The following KHDRBS2 variants were observed in gnomAD, a reference collection of about 807,000 sequenced individuals.
KHDRBS2 encodes KH RNA binding domain containing, signal transduction associated 2, also known as KH domain-containing, RNA-binding, signal transduction-associated protein 2.
In KHDRBS2, 26 loss-of-function variants were observed where a neutral mutation model predicts 44.3. The observed-to-expected ratio is 0.59, with a 90% confidence interval of 0.43 to 0.81. The LOEUF is 0.81. Among genes scored for constraint, KHDRBS2 ranks in the 40% least tolerant of loss-of-function variants. The pLI is 0.00. For missense variants in KHDRBS2, 476 were observed against 433.1 expected, an observed-to-expected ratio of 1.10 and a Z score of -0.88; for synonymous variants, 194 against 151.1, an observed-to-expected ratio of 1.28 and a Z score of -2.08.
chr6:61,605,114 G>T, the KHDRBS2 span, among the ~76,000 whole-genome samples: 1 of 152,088 alleles, frequency 6.6e-6, no homozygotes, highest in Non-Finnish European at 1.5e-5. Flanking sequence ...GCCCTTCTGC[G>T]AATTCGGGCC....
chr6:62,248,320 A>G (rs892166163), intron 1 of KHDRBS2, among the ~76,000 whole-genome samples: 1 of 150,898 alleles, frequency 6.6e-6, no homozygotes, highest in Non-Finnish European at 1.5e-5. Flanking sequence ...CCAGCAAAAC[A>G]TCTAATCCAG....
chr6:61,729,321 C>T (rs1195814404), intron 7 of KHDRBS2, among the ~76,000 whole-genome samples: 1 of 152,018 alleles, frequency 6.6e-6, no homozygotes, highest in Non-Finnish European at 1.5e-5. Context: ...ACACTGGGGC[C>T]TTTTGGCCTT....
intron 1 of KHDRBS2, among the ~76,000 whole-genome samples, chr6:62,223,184 TAG>T (rs973353860): frequency 2.6e-5 from 4 of 152,204 alleles, no homozygotes; most frequent in African/African-American, 7.2e-5. Flanking sequence ...GAAATTTAGG[TAG>T]AGTTTCCCAA....
chr6:61,615,233 C>CAAAAAAA, the KHDRBS2 span, among the ~76,000 whole-genome samples: 8,004 of 57,838 alleles, frequency 0.14, 881 homozygotes, highest in African/African-American at 0.19. Flanking sequence ...ACTCCATCTC[C>CAAAAAAA]AAAAAAAAAA....
chr6:62,216,816 T>C (rs1457997325), intron 1 of KHDRBS2, among the ~76,000 whole-genome samples: 2 of 150,966 alleles, frequency 1.3e-5, no homozygotes, highest in East Asian at 1.9e-4. Context: ...TTCGGTGAGA[T>C]ACAGGAAAAC....
At chr6:61,664,063 T>C in the KHDRBS2 span, among the ~76,000 whole-genome samples, 29,720 of 151,714 alleles carry the variant, frequency 0.2, 3,082 homozygotes, top group African/African-American at 0.24. Flanking sequence ...AGGTGAAACT[T>C]GGTTTATTAT....
chr6:61,825,311 T>C (rs1790658472), intron 6 of KHDRBS2, among the ~76,000 whole-genome samples: 1 of 152,166 alleles, frequency 6.6e-6, no homozygotes, highest in South Asian at 2.1e-4. Context: ...AGTGTTTCCA[T>C]AGGCAAAACA....
At chr6:61,579,114 A>G in the KHDRBS2 span, among the ~76,000 whole-genome samples, 3 of 152,164 alleles carry the variant, frequency 2.0e-5, no homozygotes, top group African/African-American at 7.2e-5. Context: ...GATTACCAGT[A>G]GTATAGAGAA....
the KHDRBS2 span, among the ~76,000 whole-genome samples, chr6:61,637,510 T>A: frequency 6.6e-6 from 1 of 152,140 alleles, no homozygotes; most frequent in African/African-American, 2.4e-5. Context: ...GCGTGTGTCT[T>A]TATAGCAGCA....
intron 1 of KHDRBS2, among the ~76,000 whole-genome samples, chr6:62,185,238 A>C (rs1230209877): frequency 2.6e-5 from 4 of 151,900 alleles, no homozygotes; most frequent in Admixed American, 6.6e-5. Flanking sequence ...AGCCTCGGTT[A>C]TTAGGCCAAA....
chr6:62,000,523 GA>G (rs1253035943), intron 3 of KHDRBS2, among the ~76,000 whole-genome samples: 2 of 152,104 alleles, frequency 1.3e-5, no homozygotes, highest in Non-Finnish European at 2.9e-5. Flanking sequence ...AGGAAAGTGA[GA>G]AAAAAATATC....
intron 1 of KHDRBS2, among the ~76,000 whole-genome samples, chr6:62,252,366 C>T (rs1836689249): frequency 1.3e-5 from 2 of 152,030 alleles, no homozygotes; most frequent in Non-Finnish European, 2.9e-5. Flanking sequence ...TTGAATAACA[C>T]CTTTCCTGAC....
At chr6:62,191,082 T>C (rs1824500635) in intron 1 of KHDRBS2, among the ~76,000 whole-genome samples, 1 of 152,158 alleles carries the variant, frequency 6.6e-6, no homozygotes, top group Non-Finnish European at 1.5e-5. Flanking sequence ...GAGTATGGTA[T>C]CTGAACTGTG....
intron 6 of KHDRBS2, among the ~76,000 whole-genome samples, chr6:61,808,409 C>T (rs1787526977): frequency 6.6e-6 from 1 of 151,976 alleles, no homozygotes; most frequent in African/African-American, 2.4e-5. Context: ...GAAACTATAT[C>T]CAGAATTCTA....
chr6:61,579,309 A>G, the KHDRBS2 span, among the ~76,000 whole-genome samples: 1 of 152,164 alleles, frequency 6.6e-6, no homozygotes, highest in African/African-American at 2.4e-5. Flanking sequence ...TCTTCTTCCT[A>G]TACAAATTAT....
the KHDRBS2 span, among the ~76,000 whole-genome samples, chr6:61,594,279 T>A: frequency 6.6e-6 from 1 of 152,056 alleles, no homozygotes; most frequent in Non-Finnish European, 1.5e-5. Flanking sequence ...CAATTATTCA[T>A]CAGTTCAGTC....
At chr6:61,996,816 C>T (rs1455036368) in intron 3 of KHDRBS2, among the ~76,000 whole-genome samples, 38 of 129,402 alleles carry the variant, frequency 2.9e-4, no homozygotes, top group Admixed American at 8.4e-4. Context: ...TAGAGTCTTG[C>T]TCTGTCACCC....
At chr6:62,099,474 AGAG>A (rs897971658) in intron 2 of KHDRBS2, among the ~76,000 whole-genome samples, 20 of 152,088 alleles carry the variant, frequency 1.3e-4, no homozygotes, top group African/African-American at 4.8e-4. Flanking sequence ...GTTGTTCCCT[AGAG>A]GAGGGCCAAA....
chr6:62,098,186 G>A (rs1801053615), intron 2 of KHDRBS2, among the ~76,000 whole-genome samples: 1 of 150,256 alleles, frequency 6.7e-6, no homozygotes, highest in Non-Finnish European at 1.5e-5. Flanking sequence ...TATAGTATAG[G>A]AGTATTATGA....
Sources: gnomAD v4.1 joint callset for allele counts (sites outside exome capture counted in the v4.1 genomes callset) on GRCh38, gnomAD v4.1.1 for gene constraint, MANE v1.5 for transcripts, NCBI Gene and HGNC (gene_info 2026-07-23, HGNC 2026-07-21) for gene names.